The following SERGEF variants were observed in gnomAD, a reference collection of about 807,000 sequenced individuals.
The protein encoded by SERGEF is secretion regulating guanine nucleotide exchange factor.
A neutral mutation model predicts 50.0 loss-of-function variants in SERGEF; 51 were observed. The ratio of observed to expected loss-of-function variants is 1.02; its 90% CI spans 0.81 to 1.29. The LOEUF is 1.29. Ranked by LOEUF, SERGEF falls within the 50% of genes most tolerant of loss-of-function variation. SERGEF has a pLI of 0.00. For missense variants in SERGEF, 521 were observed against 557.0 expected, an observed-to-expected ratio of 0.94 and a Z score of 0.65; for synonymous variants, 205 against 212.4, an observed-to-expected ratio of 0.97 and a Z score of 0.30.
At chr11:17,942,371 G>A (rs1426793940) in intron 9 of SERGEF, among the ~76,000 whole-genome samples, 2 of 152,000 alleles carry the variant, frequency 1.3e-5, no homozygotes, top group African/African-American at 2.4e-5. Flanking sequence ...TGATATAACT[G>A]TAAAATTATA....
At chr11:17,798,071 C>T (rs1193412893) in intron 10 of SERGEF, among the ~76,000 whole-genome samples, 27 of 152,160 alleles carry the variant, frequency 1.8e-4, no homozygotes, top group Admixed American at 1.8e-3. Flanking sequence ...GGCAGATACA[C>T]GCTCCCCAGG....
intron 8 of SERGEF, among the ~76,000 whole-genome samples, chr11:17,971,102 G>A (rs1338373395): frequency 6.6e-6 from 1 of 152,150 alleles, no homozygotes; most frequent in Admixed American, 6.5e-5. Flanking sequence ...GCTGAGGCAG[G>A]AGAATCGCTT....
intron 9 of SERGEF, among the ~76,000 whole-genome samples, chr11:17,890,919 A>C (rs778690651): frequency 6.6e-6 from 1 of 152,206 alleles, no homozygotes; most frequent in Admixed American, 6.5e-5. Flanking sequence ...CTGGCTAAAT[A>C]TAAGACAATT....
intron 10 of SERGEF, among the ~76,000 whole-genome samples, chr11:17,807,570 C>A (rs558450915): frequency 6.6e-6 from 1 of 152,364 alleles, no homozygotes; most frequent in African/African-American, 2.4e-5. Context: ...AACTCCAGCC[C>A]CCAAATTACC....
chr11:17,988,048 A>C (rs1285480432), intron 8 of SERGEF, among the ~76,000 whole-genome samples: 4 of 152,230 alleles, frequency 2.6e-5, no homozygotes, highest in Non-Finnish European at 5.9e-5. Flanking sequence ...ACGAAGATTC[A>C]AGAAAAGATG....
intron 9 of SERGEF, among the ~76,000 whole-genome samples, chr11:17,940,772 C>G (rs748368958): frequency 1.3e-5 from 2 of 152,110 alleles, no homozygotes; most frequent in Non-Finnish European, 2.9e-5. Context: ...TTCTAGTGTT[C>G]CTTCAGTCTT....
chr11:17,846,359 C>A (rs1223534716), intron 10 of SERGEF, among the ~76,000 whole-genome samples: 1 of 152,074 alleles, frequency 6.6e-6, no homozygotes, highest in African/African-American at 2.4e-5. Context: ...CACTCCAGGC[C>A]CAGGGAAATC....
At chr11:17,846,784 T>C (rs768201864) in intron 10 of SERGEF, 2 of 456,214 alleles carry the variant, frequency 4.4e-6, no homozygotes, top group South Asian at 3.1e-5. Context: ...AATGAGAGAA[T>C]GCATATTGAA....
At chr11:17,978,963 C>T (rs1309440283) in intron 8 of SERGEF, among the ~76,000 whole-genome samples, 1 of 152,224 alleles carries the variant, frequency 6.6e-6, no homozygotes, top group Non-Finnish European at 1.5e-5. Context: ...ACACATGCTA[C>T]ACTTCTCTAG....
Position 17,859,364 on chromosome 11 carries a change from G to A in SERGEF, c.1048+18844C>T, listed in dbSNP as rs140672235. On this transcript the variant is annotated intron_variant, in intron 10 of 10. Transcript: ENST00000265965. ...GAATAAAAGTTCCATTAGAAAAGTT[G>A]GAAGATCAAGTCAAAAAATTTTCTC... Among the ~76,000 whole-genome samples, 99 of 151,944 alleles carry A rather than the reference G, an allele frequency of 6.5e-4. 2 individuals are homozygous for A. Among genetic ancestry groups the A allele is most frequent in the African/African-American group, 2.2e-3 (91 of 41,446 alleles).
chr11:17,840,767 A>G (rs1482503082), intron 10 of SERGEF, among the ~76,000 whole-genome samples: 1 of 152,202 alleles, frequency 6.6e-6, no homozygotes, highest in African/African-American at 2.4e-5. Flanking sequence ...TCAGCATCCT[A>G]GAGATTTAGT....
intron 10 of SERGEF, among the ~76,000 whole-genome samples, chr11:17,818,406 C>CTACA (rs1255045963): frequency 1.3e-5 from 2 of 152,066 alleles, no homozygotes; most frequent in Non-Finnish European, 2.9e-5. Context: ...TACTAAGTAC[C>CTACA]TACAGTGTGC....
At chr11:17,794,837 TAC>T (rs1337657614) in intron 10 of SERGEF, among the ~76,000 whole-genome samples, 1 of 152,130 alleles carries the variant, frequency 6.6e-6, no homozygotes, top group East Asian at 1.9e-4. Flanking sequence ...TAAGAAAAGG[TAC>T]AGAGTAACAG....
At chr11:17,849,656 C>T (rs1850676552) in intron 10 of SERGEF, among the ~76,000 whole-genome samples, 1 of 152,168 alleles carries the variant, frequency 6.6e-6, no homozygotes, top group Non-Finnish European at 1.5e-5. Context: ...TGAGGACCTA[C>T]TCTGACCAGG....
chr11:17,896,413 T>C (rs546607217), intron 9 of SERGEF, among the ~76,000 whole-genome samples: 8 of 152,124 alleles, frequency 5.3e-5, no homozygotes, highest in South Asian at 2.1e-4. Flanking sequence ...ATAGGTGGCA[T>C]AGCTGCAATT....
At chr11:17,959,428 A>T in intron 9 of SERGEF, 42 bp downstream of exon 9, 1 of 1,578,670 alleles carries the variant, frequency 6.3e-7, no homozygotes, top group Non-Finnish European at 8.7e-7. Flanking sequence ...CTGAAAGACA[A>T]GAAAAAGGGA....
chr11:18,011,133 C>CACAT (rs1268025072), intron 1 of SERGEF, among the ~76,000 whole-genome samples: 23 of 128,380 alleles, frequency 1.8e-4, no homozygotes, highest in Non-Finnish European at 2.9e-4. Flanking sequence ...TGCACATGCA[C>CACAT]ACATACACAC....
chr11:17,923,405 G>A (rs139260010), intron 9 of SERGEF, among the ~76,000 whole-genome samples: 1 of 152,304 alleles, frequency 6.6e-6, no homozygotes, highest in East Asian at 1.9e-4. Flanking sequence ...GTTCTGTCCT[G>A]AGGCCAAGAA....
intron 9 of SERGEF, among the ~76,000 whole-genome samples, chr11:17,923,846 T>C (rs977043109): frequency 6.6e-6 from 1 of 152,216 alleles, no homozygotes; most frequent in Admixed American, 6.5e-5. Flanking sequence ...ACTGACACTA[T>C]GACTTACCTG....
Sources: allele counts gnomAD v4.1 joint callset (sites outside exome capture counted in the v4.1 genomes callset), GRCh38; gene constraint gnomAD v4.1.1; transcripts MANE v1.5; gene names NCBI Gene and HGNC (gene_info 2026-07-23, HGNC 2026-07-21).